SLC24A3: variants seen among roughly 807,000 people sequenced by gnomAD.
The protein encoded by SLC24A3 is solute carrier family 24 member 3.
A neutral mutation model predicts 75.8 loss-of-function variants in SLC24A3; 28 were observed. The ratio of observed to expected loss-of-function variants is 0.37; its 90% CI spans 0.27 to 0.51. The LOEUF (loss-of-function observed/expected upper bound fraction) is 0.51. Ranked by LOEUF, SLC24A3 falls within the 20% of genes least tolerant of loss-of-function variation. The pLI is 0.94. For synonymous variants in SLC24A3, 372 were observed against 334.1 expected, an observed-to-expected ratio of 1.11 and a Z score of -1.24; for missense variants, 663 against 847.8, an observed-to-expected ratio of 0.78 and a Z score of 2.71.
intron 2 of SLC24A3, among the ~76,000 whole-genome samples, chr20:19,505,447 C>A (rs528555280): frequency 3.4e-4 from 52 of 152,270 alleles, no homozygotes; most frequent in African/African-American, 1.1e-3. Flanking sequence ...GTGCAAAATT[C>A]CTAACTCTCC....
chr20:19,569,729 G>T (rs1321438224), intron 3 of SLC24A3, among the ~76,000 whole-genome samples: 1 of 152,092 alleles, frequency 6.6e-6, no homozygotes, highest in Non-Finnish European at 1.5e-5. Context: ...CCACTCCTGT[G>T]ATCATCTACA....
chr20:19,545,714 T>C (rs1441990984), intron 3 of SLC24A3, among the ~76,000 whole-genome samples: 1 of 152,152 alleles, frequency 6.6e-6, no homozygotes, highest in Non-Finnish European at 1.5e-5. Flanking sequence ...ATGCAATGAC[T>C]GGTTTGGAGG....
chr20:19,686,684 G>C (rs542564830), intron 12 of SLC24A3, among the ~76,000 whole-genome samples: 24 of 152,166 alleles, frequency 1.6e-4, no homozygotes, highest in Non-Finnish European at 3.2e-4. Flanking sequence ...TGCTCCAGGG[G>C]AGCTCCTTTC....
intron 15 of SLC24A3, 151 bp downstream of exon 15, chr20:19,698,831 A>G (rs2032841078): frequency 3.0e-6 from 2 of 666,916 alleles, no homozygotes; most frequent in Admixed American, 5.1e-5. Context: ...CAAAGGCCTT[A>G]CTAGTCAGGC....
intron 1 of SLC24A3, among the ~76,000 whole-genome samples, chr20:19,221,168 C>T (rs1360874088): frequency 1.3e-5 from 2 of 152,210 alleles, no homozygotes; most frequent in Admixed American, 6.5e-5. Context: ...AGCAATCCTC[C>T]TGCCTCAGCC....
chr20:19,700,111 A>C (rs1480474011), intron 15 of SLC24A3, among the ~76,000 whole-genome samples: 1 of 152,166 alleles, frequency 6.6e-6, no homozygotes, highest in South Asian at 2.1e-4. Context: ...TGTGTCAACA[A>C]CTTTCGCAGA....
chr20:19,597,697 A>G (rs2031469066), intron 6 of SLC24A3, among the ~76,000 whole-genome samples: 1 of 152,168 alleles, frequency 6.6e-6, no homozygotes. Flanking sequence ...GTTTGTACCC[A>G]TTAACCAACC....
In SLC24A3 at chr20:19,322,213, T is replaced by C. The variant is rs756971684; in HGVS notation, c.271+41126T>C. ...GCTTTAGTATCCTTGGATCATCCTC[T>C]CCTAGATCTTTATTATAGCAGGGTG... On this transcript the variant is annotated intron_variant, in intron 2 of 16. Coordinates refer to ENST00000328041, the MANE Select transcript of SLC24A3 (RefSeq NM_020689.4). 2.6e-5 allele frequency among the ~76,000 whole-genome samples: 4 copies of C among 152,290 alleles called. No homozygotes were observed. The South Asian group carries it at 8.3e-4, about 32-fold the overall frequency.
At chr20:19,482,689 T>C (rs1193277348) in intron 2 of SLC24A3, among the ~76,000 whole-genome samples, 1 of 152,196 alleles carries the variant, frequency 6.6e-6, no homozygotes, top group East Asian at 1.9e-4. Context: ...TCCTTTCCCA[T>C]TGGAGGATTG....
At chr20:19,581,233 C>A (rs1568662480) in intron 4 of SLC24A3, among the ~76,000 whole-genome samples, 1 of 152,036 alleles carries the variant, frequency 6.6e-6, no homozygotes, top group Non-Finnish European at 1.5e-5. Flanking sequence ...AGTGGGGTCA[C>A]CTTATGTCGA....
In SLC24A3 at chr20:19,684,160, T is replaced by G. The variant is rs375189967; in HGVS notation, c.902-16T>G. The G allele has an allele frequency of 6.2e-7, 1 of 1,610,246 alleles. No individual in the cohort carries two copies. Among genetic ancestry groups the G allele is most frequent in the African/African-American group, 1.3e-5 (1 of 74,850 alleles). On this transcript the variant is annotated splice_polypyrimidine_tract_variant and intron_variant, in intron 10 of 16. Transcript: ENST00000328041. ...GGCCTCCATGTTATTTTACCTTATG[T>G]TTTTCGTTTCCCTAGCAAATTTCCA...
At chr20:19,412,247 T>C (rs61366526) in intron 2 of SLC24A3, among the ~76,000 whole-genome samples, 11,093 of 152,076 alleles carry the variant, frequency 0.073, 931 homozygotes, top group African/African-American at 0.2. Context: ...CAGGCAGGAG[T>C]GACCCAGACA....
At chr20:19,547,176 G>A (rs2122594469) in intron 3 of SLC24A3, among the ~76,000 whole-genome samples, 1 of 152,196 alleles carries the variant, frequency 6.6e-6, no homozygotes, top group Non-Finnish European at 1.5e-5. Flanking sequence ...ATGAGGATAG[G>A]GACCATGTCA....
chr20:19,508,789 A>T (rs1988496365), intron 2 of SLC24A3, among the ~76,000 whole-genome samples: 2 of 151,984 alleles, frequency 1.3e-5, no homozygotes, highest in Admixed American at 6.6e-5. Context: ...TTGGGGAATG[A>T]CTCTCAGCTG....
At chr20:19,279,544 C>A (rs750154652) in intron 1 of SLC24A3, among the ~76,000 whole-genome samples, 64 of 152,186 alleles carry the variant, frequency 4.2e-4, no homozygotes, top group Non-Finnish European at 7.6e-4. Flanking sequence ...TCCACGACAC[C>A]TGCTTTCCTT....
chr20:19,651,370 A>ATT (rs55897243), intron 6 of SLC24A3, among the ~76,000 whole-genome samples: 37,394 of 117,922 alleles, frequency 0.32, 6,246 homozygotes, highest in Non-Finnish European at 0.4. Context: ...TCTGGTTTTT[A>ATT]TTATATATAT....
chr20:19,567,405 A>G (rs2030976059), intron 3 of SLC24A3, among the ~76,000 whole-genome samples: 1 of 152,228 alleles, frequency 6.6e-6, no homozygotes, highest in Non-Finnish European at 1.5e-5. Flanking sequence ...AAATTAATAA[A>G]CAGAAAGTCA....
Position 19,507,986 on chromosome 20 carries a change from G to A in SLC24A3, c.272-7502G>A, listed in dbSNP as rs144114419. Among the ~76,000 whole-genome samples, 898 of 152,318 alleles carry A rather than the reference G, an allele frequency of 5.9e-3. 5 individuals carry two copies. Among genetic ancestry groups the A allele is most frequent in the Middle Eastern group, 0.027 (8 of 294 alleles). The stretch of plus-strand genomic sequence containing the variant: ...CTGTCCTCAGGGAGCTGAGCTCATG[G>A]TGCCACTGAGTCCACGGTACACATG... On this transcript the variant is annotated intron_variant, in intron 2 of 16. Transcript: ENST00000328041.
chr20:19,394,342 T>C (rs920786871), intron 2 of SLC24A3, among the ~76,000 whole-genome samples: 1 of 152,148 alleles, frequency 6.6e-6, no homozygotes, highest in Non-Finnish European at 1.5e-5. Context: ...GCAACAAAAG[T>C]AGAAATATCT....
Sources: gnomAD v4.1 joint callset for allele counts (sites outside exome capture counted in the v4.1 genomes callset) on GRCh38, gnomAD v4.1.1 for gene constraint, MANE v1.5 for transcripts, NCBI Gene and HGNC (gene_info 2026-07-23, HGNC 2026-07-21) for gene names.